RPA3: variants seen among roughly 807,000 people sequenced by gnomAD.
The protein encoded by RPA3 is replication protein A 14 kDa subunit.
RPA3 carries 24 observed loss-of-function variants against 13.7 expected under a neutral mutation model. The ratio of observed to expected loss-of-function variants is 1.75; its 90% CI spans 1.27 to 2.46. The LOEUF (loss-of-function observed/expected upper bound fraction) is 2.46, where lower values mean the gene tolerates loss of function less well. Ranked by LOEUF, RPA3 falls within the 30% of genes most tolerant of loss-of-function variation. The pLI, the probability that RPA3 is intolerant of heterozygous loss-of-function variation, is 0.00. For missense variants in RPA3, 183 were observed against 151.0 expected, an observed-to-expected ratio of 1.21 and a Z score of -1.11; for synonymous variants, 59 against 51.2, an observed-to-expected ratio of 1.15 and a Z score of -0.65.
At chr7:7,649,687 T>G (rs10253494) in intron 4 of RPA3, among the ~76,000 whole-genome samples, 53,565 of 133,544 alleles carry the variant, frequency 0.4, 11,967 homozygotes, top group African/African-American at 0.65. Context: ...TTCTTGTTGG[T>G]GGGGGGGCCC....
intron 4 of RPA3, among the ~76,000 whole-genome samples, chr7:7,649,158 C>CAAAAAAAAAAAAA (rs34943326): frequency 1.1e-4 from 14 of 128,870 alleles, no homozygotes; most frequent in Non-Finnish European, 1.9e-4. Context: ...GACTCCATCT[C>CAAAAAAAAAAAAA]AAAAAAAAAA....
At chr7:7,647,118 A>G (rs1273318034) in intron 4 of RPA3, among the ~76,000 whole-genome samples, 1 of 152,218 alleles carries the variant, frequency 6.6e-6, no homozygotes, top group East Asian at 1.9e-4. Flanking sequence ...GTGTTCACCT[A>G]TAAAACCTTT....
At chr7:7,716,473 G>C (rs1202523661) in intron 1 of RPA3, among the ~76,000 whole-genome samples, 1 of 152,212 alleles carries the variant, frequency 6.6e-6, no homozygotes, top group Non-Finnish European at 1.5e-5. Flanking sequence ...AAGCAAGCTG[G>C]AAGCTTGCAC....
At chr7:7,658,198 A>G (rs1362849134) in intron 4 of RPA3, among the ~76,000 whole-genome samples, 1 of 151,626 alleles carries the variant, frequency 6.6e-6, no homozygotes, top group East Asian at 1.9e-4. Flanking sequence ...TATCAGCTTA[A>G]GGAGATTTTG....
rs185848770 is a variant in RPA3, at chr7:7,707,701, C to T, written c.-1028+7474G>A. Reference sequence around the variant, plus strand: ...AATCTGGCTTAATTTTGCCTTAAAGCTATTCTTAGTGTTAATATATAATGC... The same window carrying T: ...AATCTGGCTTAATTTTGCCTTAAAGTTATTCTTAGTGTTAATATATAATGC... On this transcript the variant is annotated intron_variant, in intron 2 of 7. Transcript: ENST00000223129. 2.0e-3 allele frequency among the ~76,000 whole-genome samples: 309 copies of T among 152,222 alleles called. 7 individuals carry two copies. The highest frequency in any genetic ancestry group is 0.017 in the Admixed American group (254 of 15,284).
intron 4 of RPA3, among the ~76,000 whole-genome samples, chr7:7,685,454 T>G (rs1186019042): frequency 6.6e-6 from 1 of 151,720 alleles, no homozygotes; most frequent in African/African-American, 2.4e-5. Context: ...GGACTACAGG[T>G]GTGCGCCACC....
chr7:7,646,661 A>T (rs150820472), intron 4 of RPA3, among the ~76,000 whole-genome samples: 1 of 151,996 alleles, frequency 6.6e-6, no homozygotes, highest in East Asian at 1.9e-4. Flanking sequence ...ATGAAAATGA[A>T]CTAATACAGA....
At position 7,642,832 on chromosome 7, in the gene RPA3, A is replaced by G. The variant is rs185036915; in HGVS notation, c.-757-1657T>C. ...AGCCATAAGTAAACACTATCTTGAA[A>G]TTTGTGTTAAGCTTCCTAAGCTTTT... is the stretch of plus-strand genomic sequence containing the variant. On this transcript the variant is annotated intron_variant, in intron 4 of 7. Coordinates refer to ENST00000223129, the MANE Select transcript of RPA3 (RefSeq NM_002947.5). 2.6e-5 allele frequency among the ~76,000 whole-genome samples: 4 copies of G among 152,262 alleles called. No individual in the cohort carries two copies. In the East Asian group the frequency reaches 7.7e-4, roughly 29 times the overall value.
At chr7:7,707,125 A>G (rs1780622452) in intron 2 of RPA3, among the ~76,000 whole-genome samples, 1 of 152,174 alleles carries the variant, frequency 6.6e-6, no homozygotes, top group African/African-American at 2.4e-5. Context: ...GGTTGGTAGG[A>G]TTGCTGTTTG....
intron 2 of RPA3, among the ~76,000 whole-genome samples, chr7:7,696,254 C>G (rs1409599637): frequency 6.6e-6 from 1 of 150,660 alleles, no homozygotes; most frequent in Non-Finnish European, 1.5e-5. Context: ...TGAACTCATA[C>G]AAGACTCACT....
At chr7:7,648,209 G>A (rs1859605) in intron 4 of RPA3, among the ~76,000 whole-genome samples, 46,595 of 152,040 alleles carry the variant, frequency 0.31, 9,070 homozygotes, top group East Asian at 0.79. Flanking sequence ...TTGCCTAGAT[G>A]TATGGGGGAT....
At chr7:7,656,222 G>A (rs531709715) in intron 4 of RPA3, among the ~76,000 whole-genome samples, 1 of 152,238 alleles carries the variant, frequency 6.6e-6, no homozygotes, top group East Asian at 1.9e-4. Context: ...TTCTGAGGGT[G>A]GAAGTGGAGT....
intron 2 of RPA3, among the ~76,000 whole-genome samples, chr7:7,687,812 T>C (rs369473452): frequency 5.4e-4 from 83 of 152,354 alleles, no homozygotes; most frequent in African/African-American, 1.9e-3. Context: ...GTGTTACTGA[T>C]TTAAAGGAGT....
In RPA3 at chr7:7,636,692, A is replaced by G; in HGVS notation, c.*308T>C. On this transcript the variant is annotated 3_prime_UTR_variant, in exon 8 of 8. Coordinates refer to ENST00000223129, the MANE Select transcript of RPA3 (RefSeq NM_002947.5). ...GTTTGTGCTTGAATACATGATTAAA[A>G]GAATGAAAATGAAATGACCGATAGT... is the stretch of plus-strand genomic sequence containing the variant. 4.3e-6 allele frequency: 1 copy of G among 231,202 alleles called. No individual in the cohort carries two copies. Among genetic ancestry groups the G allele is most frequent in the Non-Finnish European group, 8.3e-6 (1 of 120,170 alleles). 14.3% of individuals were successfully genotyped at this position (231,202 alleles called of 1,614,324 possible). A position where few individuals can be genotyped will look rare whatever the true frequency, so the allele number is the denominator to read the frequency against.
At chr7:7,643,390 C>G (rs1785018987) in intron 4 of RPA3, among the ~76,000 whole-genome samples, 1 of 152,204 alleles carries the variant, frequency 6.6e-6, no homozygotes, top group South Asian at 2.1e-4. Context: ...AGGAAAGAAT[C>G]ATGGGAAATA....
chr7:7,639,169 A>G (rs780394251), intron 5 of RPA3, 25 bp from the exon 6 acceptor site: 10 of 1,579,360 alleles, frequency 6.3e-6, no homozygotes, highest in South Asian at 1.1e-5. Context: ...TATAATTAAA[A>G]TCTCACTAAA....
chr7:7,686,837 G>A (rs1780052697), intron 3 of RPA3, among the ~76,000 whole-genome samples: 1 of 152,154 alleles, frequency 6.6e-6, no homozygotes, highest in Admixed American at 6.5e-5. Context: ...TTGTGTTGCA[G>A]ATTCTAGGAA....
chr7:7,638,722 C>T (rs1784903638), intron 6 of RPA3: 1 of 173,862 alleles, frequency 5.8e-6, no homozygotes, highest in Admixed American at 6.2e-5. Context: ...GAGTGAGACC[C>T]TGTCTCAAAA....
intron 4 of RPA3, among the ~76,000 whole-genome samples, chr7:7,678,415 A>T (rs909357178): frequency 4.1e-5 from 6 of 144,796 alleles, no homozygotes; most frequent in East Asian, 2.0e-4. Flanking sequence ...TATATAAAAA[A>T]ATATATTTAT....
Sources: allele counts gnomAD v4.1 joint callset (sites outside exome capture counted in the v4.1 genomes callset), GRCh38; gene constraint gnomAD v4.1.1; transcripts MANE v1.5; gene names NCBI Gene and HGNC (gene_info 2026-07-23, HGNC 2026-07-21).